Variants in SLC34A2 observed in about 807,000 individuals in gnomAD.
SLC34A2 encodes sodium-dependent phosphate transport protein 2B.
In SLC34A2, 41 loss-of-function variants were observed where a neutral mutation model predicts 50.8. The observed-to-expected ratio is 0.81, with a 90% CI of 0.63 to 1.05. SLC34A2 has a LOEUF of 1.05. Ranked by LOEUF, SLC34A2 falls within the 50% of genes least tolerant of loss-of-function variation. The probability of loss-of-function intolerance (pLI) is 0.00; values close to 1 mark genes in which losing one functional copy is unlikely to be tolerated. For synonymous variants in SLC34A2, 401 were observed against 364.2 expected, an observed-to-expected ratio of 1.10 and a Z score of -1.15; for missense variants, 879 against 876.7, an observed-to-expected ratio of 1.00 and a Z score of -0.03.
chr4:25,674,483 TTG>T lies in SLC34A2; in HGVS notation c.1334-18_1334-17del. 1 of 1,614,184 alleles carries T rather than the reference TTG, an allele frequency of 6.2e-7. No individual in the cohort carries two copies. Among genetic ancestry groups the T allele is most frequent in the Non-Finnish European group, 8.5e-7 (1 of 1,180,038 alleles). ...CTGTCATCCCATGGGGCTGATATGT[TTG>T]TGTTTTGTGTTTCCCCCAGGAATCG... On this transcript the variant is annotated intron_variant, in intron 11 of 12. Coordinates refer to ENST00000382051, the MANE Select transcript of SLC34A2 (RefSeq NM_006424.3).
chr4:25,658,313 C>T (rs993786776), intron 1 of SLC34A2, among the ~76,000 whole-genome samples: 2 of 152,196 alleles, frequency 1.3e-5, no homozygotes, highest in Non-Finnish European at 2.9e-5. Flanking sequence ...AGTCCCTGTG[C>T]TTGTGAAGGC....
At chr4:25,674,263 G>A in intron 10 of SLC34A2, 33 bp from the exon 11 acceptor site, 1 of 1,565,612 alleles carries the variant, frequency 6.4e-7, no homozygotes. Flanking sequence ...CTTCCCCGGA[G>A]AGGCCATGAC....
intron 12 of SLC34A2, 58 bp from the exon 13 acceptor site, chr4:25,676,077 C>T (rs1018877927): frequency 3.6e-4 from 583 of 1,605,414 alleles, no homozygotes; most frequent in Non-Finnish European, 4.4e-4. Context: ...CTCCTCCTCC[C>T]TACTGCCACC....
chr4:25,674,239 C>G, intron 10 of SLC34A2, 57 bp from the exon 11 acceptor site: 1 of 1,369,860 alleles, frequency 7.3e-7, no homozygotes. Context: ...CTACCCCAGG[C>G]CACCAGGCCA....
At chr4:25,665,981 A>G in intron 4 of SLC34A2, 147 bp from the exon 5 acceptor site, 1 of 944,306 alleles carries the variant, frequency 1.1e-6, no homozygotes, top group South Asian at 1.4e-5. Context: ...GGGAAGCAAG[A>G]TTCCTTGGGT....
Position 25,674,358 on chromosome 4 carries a change from A to G in SLC34A2, c.1279A>G (p.Thr427Ala), listed in dbSNP as rs978269433. 1 of 1,614,058 alleles carries G rather than the reference A, an allele frequency of 6.2e-7. No homozygotes were observed. The highest frequency in any genetic ancestry group is 8.5e-7 in the Non-Finnish European group (1 of 1,179,988). The part of the protein sequence containing the change: ...YLAILVGAGM[T>A]FIVQSSSVFT... Reference sequence around the variant, plus strand: ...GGCCATCCTCGTCGGGGCAGGCATGACCTTCATCGTACAGAGCAGCTCTGT... The same window carrying G: ...GGCCATCCTCGTCGGGGCAGGCATGGCCTTCATCGTACAGAGCAGCTCTGT... The change falls in exon 11 of 13, where the codon ACC (threonine) becomes GCC (alanine). Residue 427 changes from threonine (T) to alanine (A), a missense_variant. Coordinates refer to ENST00000382051, the MANE Select transcript of SLC34A2 (RefSeq NM_006424.3).
chr4:25,669,699 G>A lies in SLC34A2; in HGVS notation c.688G>A (p.Val230Met). Residue 230 changes from valine to methionine, a missense_variant, in exon 7 of 13, where the codon GTG (valine) becomes ATG (methionine). Transcript: ENST00000382051. ...CTTCTTCAACTGGCTGTCCGTGTTG[G>A]TGCTCTTGCCCGTGGAGGTGGCCAC... is the stretch of plus-strand genomic sequence containing the variant. Reference protein sequence around the residue: ...HDFFNWLSVLVLLPVEVATHY... With the variant: ...HDFFNWLSVLMLLPVEVATHY... The A allele has an allele frequency of 6.2e-7, 1 of 1,614,130 alleles. No homozygotes were observed.
In SLC34A2 at chr4:25,667,899, C is replaced by G. The variant is rs776157361; in HGVS notation, c.543C>G (p.Ala181=). Residue 181 remains alanine, a synonymous_variant, in exon 6 of 13, where the codon GCC becomes GCG. Coordinates refer to ENST00000382051, the MANE Select transcript of SLC34A2 (RefSeq NM_006424.3). Reference sequence around the variant, plus strand: ...CTCTAGTGCTCACTGTTCGGGCTGCCATCCCCATTATCATGGGGGCCAACA... The same window carrying G: ...CTCTAGTGCTCACTGTTCGGGCTGCGATCCCCATTATCATGGGGGCCAACA... ...VSSSLLTVRA[A]IPIIMGANIG... is the part of the protein sequence containing the mutation. The G allele has an allele frequency of 1.2e-6, 2 of 1,612,500 alleles. No homozygotes were observed. The highest frequency in any genetic ancestry group is 1.7e-6 in the Non-Finnish European group (2 of 1,178,604).
At position 25,676,496 on chromosome 4, in the gene SLC34A2, T is replaced by C. The variant is rs761826151; in HGVS notation, c.1820T>C (p.Val607Ala). ...TCGCTGAAGCCCTGGGATGCCGTCG[T>C]CTCCAAGTTCACCGGCTGCTTCCAG... ...MRSLKPWDAV[V>A]SKFTGCFQMR... The change falls in exon 13 of 13, where the codon GTC becomes GCC. Residue 607 changes from valine to alanine, a missense_variant. Transcript: ENST00000382051. 1.8e-5 allele frequency: 29 copies of C among 1,614,014 alleles called. No individual in the cohort carries two copies. The highest frequency in any genetic ancestry group is 2.1e-5 in the Non-Finnish European group (25 of 1,180,022).
At chr4:25,668,597 G>A (rs928085085) in intron 6 of SLC34A2, among the ~76,000 whole-genome samples, 14 of 151,266 alleles carry the variant, frequency 9.3e-5, no homozygotes, top group South Asian at 2.1e-4. Context: ...AGTCGAGATC[G>A]TGCCACTGCA....
At chr4:25,669,601 C>T (rs374591054) in intron 6 of SLC34A2, 46 bp from the exon 7 acceptor site, 2 of 1,579,640 alleles carry the variant, frequency 1.3e-6, no homozygotes, top group South Asian at 1.1e-5. Flanking sequence ...ACATGGTGCC[C>T]ACTTGCTTAG....
chr4:25,657,236 T>C (rs1713930131), intron 1 of SLC34A2, among the ~76,000 whole-genome samples: 2 of 152,152 alleles, frequency 1.3e-5, no homozygotes, highest in South Asian at 4.2e-4. Context: ...GACAAAAAAA[T>C]AGCCCGAATT....
At chr4:25,668,922 G>A (rs1201705545) in intron 6 of SLC34A2, among the ~76,000 whole-genome samples, 2 of 149,070 alleles carry the variant, frequency 1.3e-5, no homozygotes, top group Non-Finnish European at 3.0e-5. Flanking sequence ...TTTTTAAAAG[G>A]TAAGCTGTTT....
At chr4:25,670,092 G>T (rs926393318) in intron 7 of SLC34A2, among the ~76,000 whole-genome samples, 1 of 152,286 alleles carries the variant, frequency 6.6e-6, no homozygotes, top group African/African-American at 2.4e-5. Context: ...GCATGGTGGC[G>T]TGCACCTGTA....
chr4:25,663,360 G>A (rs1292323695), intron 3 of SLC34A2, among the ~76,000 whole-genome samples: 1 of 152,202 alleles, frequency 6.6e-6, no homozygotes, highest in Non-Finnish European at 1.5e-5. Context: ...GACATTGTCT[G>A]GCTCCTTATA....
intron 4 of SLC34A2, chr4:25,664,941 TC>T: frequency 4.3e-6 from 1 of 231,728 alleles, no homozygotes; most frequent in East Asian, 6.1e-5. Flanking sequence ...AAACATTCTT[TC>T]CCAGAGCCCT....
At chr4:25,669,917 TAG>T (rs1466988234) in intron 7 of SLC34A2, 75 bp downstream of exon 7, 2 of 1,291,176 alleles carry the variant, frequency 1.5e-6, no homozygotes, top group African/African-American at 2.9e-5. Flanking sequence ...CTGACAGATA[TAG>T]AGTGTCTACA....
In SLC34A2 at chr4:25,671,640, A is replaced by G; in HGVS notation, c.967A>G (p.Thr323Ala). 1 of 1,613,798 alleles carries G rather than the reference A, an allele frequency of 6.2e-7. No individual in the cohort carries two copies. The highest frequency in any genetic ancestry group is 1.6e-4 in the Middle Eastern group (1 of 6,062). The change falls in exon 9 of 13, where the codon ACC becomes GCC. Residue 323 changes from threonine to alanine, a missense_variant. Physicochemically the swap from Thr to Ala is moderately conservative, Grantham distance 58 (BLOSUM62 0). Coordinates refer to ENST00000382051, the MANE Select transcript of SLC34A2 (RefSeq NM_006424.3). The part of the protein sequence containing the change: ...NVTVPSTANC[T>A]SPSLCWTDGI... Reference sequence around the variant, plus strand: ...CACTGTTCCCTCGACTGCTAACTGCACCTCCCCTTCCCTCTGTTGGACGGA... The same window carrying G: ...CACTGTTCCCTCGACTGCTAACTGCGCCTCCCCTTCCCTCTGTTGGACGGA...
chr4:25,676,093 T>G, intron 12 of SLC34A2, 42 bp from the exon 13 acceptor site: 1 of 1,611,894 alleles, frequency 6.2e-7, no homozygotes, highest in Non-Finnish European at 8.5e-7. Context: ...CCACCCGCAT[T>G]GGGCAACAGG....
Sources: allele counts gnomAD v4.1 joint callset (sites outside exome capture counted in the v4.1 genomes callset), GRCh38; gene constraint gnomAD v4.1.1; transcripts MANE v1.5; gene names NCBI Gene and HGNC (gene_info 2026-07-23, HGNC 2026-07-21).